Variants in CALR3 observed in about 807,000 individuals in gnomAD.
The protein encoded by CALR3 is calreticulin 3.
A neutral mutation model predicts 48.7 loss-of-function variants in CALR3; 39 were observed. The ratio of observed to expected loss-of-function variants is 0.80; its 90% CI spans 0.62 to 1.05. The LOEUF (loss-of-function observed/expected upper bound fraction) is 1.05, where lower values mean the gene tolerates loss of function less well. CALR3 is among the 50% of genes least tolerant of loss of function. The pLI is 0.00. For missense variants in CALR3, 449 were observed against 474.7 expected, an observed-to-expected ratio of 0.95 and a Z score of 0.50; for synonymous variants, 185 against 172.7, an observed-to-expected ratio of 1.07 and a Z score of -0.56.
At position 16,490,387 on chromosome 19, in the gene CALR3, GA is replaced by G; in HGVS notation, c.376del (p.Ser126ArgfsTer35). 6.2e-7 allele frequency: 1 copy of G among 1,614,112 alleles called. No individual in the cohort carries two copies. Among genetic ancestry groups the G allele is most frequent in the Non-Finnish European group, 8.5e-7 (1 of 1,180,004 alleles). On this transcript the variant is annotated frameshift_variant, in exon 3 of 9. Coordinates refer to ENST00000269881, the MANE Select transcript of CALR3 (RefSeq NM_145046.5). LOFTEE classifies it high-confidence loss of function. ...CTCACCAAACATAATATAGTACTGCGATTTTCCATTCAGGTTCTTCTGGTCA... is the reference window on the plus strand; with the variant it reads ...CTCACCAAACATAATATAGTACTGCGTTTTCCATTCAGGTTCTTCTGGTCA... ...DIDQKNLNGK[S>X]QYYIMFGPDI...
rs1365106703 is a variant in CALR3, at chr19:16,479,270, G to A, written c.1016C>T (p.Pro339Leu). ...CTGTATGGCATCCATCTCCCTTTCT[G>A]GACCCTGGAGAAAGAAAGAAAAAAC... ...GKATWGETKG[P>L]EREMDAIQAK... The change falls in exon 9 of 9, where the codon CCA (proline) becomes CTA (leucine). Residue 339 changes from proline to leucine, a missense_variant. Physicochemically the swap from Pro to Leu is moderately conservative, Grantham distance 98. Transcript: ENST00000269881. The A allele has an allele frequency of 6.2e-7, 1 of 1,613,744 alleles. No homozygotes were observed. The highest frequency in any genetic ancestry group is 2.2e-5 in the East Asian group (1 of 44,882).
intron 3 of CALR3, among the ~76,000 whole-genome samples, chr19:16,488,831 A>T (rs1375624418): frequency 6.6e-6 from 1 of 152,188 alleles, no homozygotes; most frequent in African/African-American, 2.4e-5. Context: ...GTCAGGAGAC[A>T]TTTAATATTT....
chr19:16,485,465 G>A (rs570549116), intron 3 of CALR3, among the ~76,000 whole-genome samples: 9 of 151,850 alleles, frequency 5.9e-5, no homozygotes, highest in East Asian at 1.9e-4. Context: ...GACTACAGGC[G>A]CATGCCACGA....
chr19:16,482,438 A>G lies in CALR3; in HGVS notation c.918+12T>C. Reference sequence around the variant, plus strand: ...ACGCAAAAAATCTAAAGTAAAGTTAAAACCAAATGACCTGCCAAAGCTCCA... The same window carrying G: ...ACGCAAAAAATCTAAAGTAAAGTTAGAACCAAATGACCTGCCAAAGCTCCA... On this transcript the variant is annotated intron_variant, in intron 7 of 8. Transcript: ENST00000269881. 1 of 1,614,176 alleles carries G rather than the reference A, an allele frequency of 6.2e-7. No individual in the cohort carries two copies. Among genetic ancestry groups the G allele is most frequent in the Non-Finnish European group, 8.5e-7 (1 of 1,180,030 alleles).
At chr19:16,486,568 C>T (rs552667982) in intron 3 of CALR3, among the ~76,000 whole-genome samples, 4 of 142,918 alleles carry the variant, frequency 2.8e-5, no homozygotes, top group South Asian at 2.2e-4. Context: ...TGCAATGAGC[C>T]GAGATTGCAC....
At chr19:16,483,135 A>G (rs987121219) in intron 5 of CALR3, among the ~76,000 whole-genome samples, 6 of 152,090 alleles carry the variant, frequency 3.9e-5, no homozygotes, top group African/African-American at 1.4e-4. Flanking sequence ...ATTAGCCACC[A>G]CACCCAGCCA....
intron 7 of CALR3, among the ~76,000 whole-genome samples, chr19:16,482,031 C>T (rs1023163773): frequency 5.3e-5 from 8 of 150,998 alleles, no homozygotes; most frequent in East Asian, 3.9e-4. Context: ...CTCAGCGTCC[C>T]GAGTAGCTGG....
In CALR3 at chr19:16,495,771, C is replaced by A. The variant is rs1156914746; in HGVS notation, c.173G>T (p.Gly58Val). 6.2e-7 allele frequency: 1 copy of A among 1,613,762 alleles called. No individual in the cohort carries two copies. The highest frequency in any genetic ancestry group is 8.5e-7 in the Non-Finnish European group (1 of 1,179,712). Reference protein sequence around the residue: ...HFRLSSGKFYGHKEKDKGLQT... With the variant: ...HFRLSSGKFYVHKEKDKGLQT... ...CTAACCTTTATCTTTCTCTTTATGA[C>A]CATAAAACTTGCCCGACGAAAGTCT... The change falls in exon 2 of 9, where the codon GGT becomes GTT. Residue 58 changes from glycine to valine, a missense_variant. Transcript: ENST00000269881.
At chr19:16,494,264 G>A (rs2093402282) in intron 2 of CALR3, among the ~76,000 whole-genome samples, 1 of 152,086 alleles carries the variant, frequency 6.6e-6, no homozygotes, top group African/African-American at 2.4e-5. Context: ...GTTTCACCAT[G>A]GTGACCAGGC....
At chr19:16,488,150 T>A (rs1974529426) in intron 3 of CALR3, among the ~76,000 whole-genome samples, 1 of 151,974 alleles carries the variant, frequency 6.6e-6, no homozygotes, top group Admixed American at 6.6e-5. Context: ...GGTTTCTCCA[T>A]GTTGGTCAAG....
At position 16,491,014 on chromosome 19, in the gene CALR3, C is replaced by G. The variant is rs10425234; in HGVS notation, c.194-444G>C. On this transcript the variant is annotated intron_variant, in intron 2 of 8. Coordinates refer to ENST00000269881, the MANE Select transcript of CALR3 (RefSeq NM_145046.5). ...GACCTCAGGTGACTGCCCGTCTCAG[C>G]CTCCCAAAGTGCTGGAATTACAGGT... 1.9e-3 allele frequency among the ~76,000 whole-genome samples: 288 copies of G among 152,216 alleles called. 1 individual carries two copies. Among genetic ancestry groups the G allele is most frequent in the African/African-American group, 6.5e-3 (269 of 41,550 alleles).
chr19:16,485,320 C>T (rs998922736), intron 3 of CALR3, 63 bp from the exon 4 acceptor site: 2 of 1,049,252 alleles, frequency 1.9e-6, no homozygotes, highest in African/African-American at 1.6e-5. Context: ...AATAACCAAC[C>T]CACAACCATT....
chr19:16,484,090 GT>G lies in CALR3; in HGVS notation c.517del (p.Thr173LeufsTer2). On this transcript the variant is annotated frameshift_variant, in exon 5 of 9. Transcript: ENST00000269881. LOFTEE classifies it high-confidence loss of function. ...AGAAAGATCTGGTCTTAAAATTAGA[GT>G]GTACAGGTGTGTGAAGCCATCAACC... is the stretch of plus-strand genomic sequence containing the variant. ...CKVDGFTHLY[T>X]LILRPDLSYD... The G allele has an allele frequency of 6.2e-7, 1 of 1,613,736 alleles. No individual in the cohort carries two copies. Among genetic ancestry groups the G allele is most frequent in the Non-Finnish European group, 8.5e-7 (1 of 1,179,964 alleles).
intron 3 of CALR3, among the ~76,000 whole-genome samples, chr19:16,488,695 G>A (rs190230869): frequency 6.6e-6 from 1 of 152,136 alleles, no homozygotes; most frequent in African/African-American, 2.4e-5. Flanking sequence ...GGTGTGAGCC[G>A]CGACACCCGG....
chr19:16,482,390 A>G, intron 7 of CALR3, 60 bp downstream of exon 7: 1 of 1,609,272 alleles, frequency 6.2e-7, no homozygotes, highest in South Asian at 1.1e-5. Context: ...ACAAAACAAA[A>G]CAAAACAAAA....
intron 5 of CALR3, among the ~76,000 whole-genome samples, chr19:16,483,467 C>T (rs549786804): frequency 9.9e-5 from 15 of 152,242 alleles, no homozygotes; most frequent in African/African-American, 3.4e-4. Flanking sequence ...CCTGTAATCC[C>T]AGCACTTTGG....
intron 3 of CALR3, among the ~76,000 whole-genome samples, chr19:16,486,658 G>A (rs1351722992): frequency 6.6e-6 from 1 of 151,458 alleles, no homozygotes; most frequent in Non-Finnish European, 1.5e-5. Context: ...ACATGTAATG[G>A]ATGTTCATGA....
chr19:16,484,136 AGC>A (rs1393352117), intron 4 of CALR3, 21 bp from the exon 5 acceptor site: 1 of 1,606,308 alleles, frequency 6.2e-7, no homozygotes, highest in South Asian at 1.1e-5. Flanking sequence ...TAGGGGGAAA[AGC>A]GTAACAATTA....
chr19:16,495,849 TGCTCTGTGGGGAA>T lies in CALR3; in HGVS notation c.92-10_94del. The T allele has an allele frequency of 6.2e-7, 1 of 1,613,838 alleles. No individual in the cohort carries two copies. The highest frequency in any genetic ancestry group is 2.2e-5 in the East Asian group (1 of 44,876). ...GGACTGCAACCATCGGTTTCTCCAATGCTCTGTGGGGAAGGGGAAATAACACCGGTTAGAGGTG... is the reference window on the plus strand; with the variant it reads ...GGACTGCAACCATCGGTTTCTCCAATGGGGAAATAACACCGGTTAGAGGTG... On this transcript the variant is annotated splice_acceptor_variant and splice_polypyrimidine_tract_variant and coding_sequence_variant and intron_variant, in exon 2 of 9. Coordinates refer to ENST00000269881, the MANE Select transcript of CALR3 (RefSeq NM_145046.5). LOFTEE classifies it high-confidence loss of function.
Sources: allele counts gnomAD v4.1 joint callset (sites outside exome capture counted in the v4.1 genomes callset), GRCh38; gene constraint gnomAD v4.1.1; transcripts MANE v1.5; gene names NCBI Gene and HGNC (gene_info 2026-07-23, HGNC 2026-07-21).